Variants in OPN3 observed in about 807,000 individuals in gnomAD.
OPN3 encodes the protein opsin-3.
In OPN3, 29 loss-of-function variants were observed where a neutral mutation model predicts 33.8. That is an observed-to-expected ratio of 0.86 (90% confidence interval 0.64 to 1.17). The LOEUF (loss-of-function observed/expected upper bound fraction) is 1.17, where lower values mean the gene tolerates loss of function less well. Ranked by LOEUF, OPN3 falls within the 50% of genes most tolerant of loss-of-function variation. The probability of loss-of-function intolerance (pLI) is 0.00; values close to 1 mark genes in which losing one functional copy is unlikely to be tolerated. For missense variants in OPN3, 437 were observed against 514.1 expected (o/e 0.85, Z 1.45); for synonymous variants, 216 against 216.1 (o/e 1.00, Z 0.00).
intron 2 of OPN3, among the ~76,000 whole-genome samples, chr1:241,598,856 T>C: frequency 6.6e-6 from 1 of 152,334 alleles, no homozygotes; most frequent in South Asian, 2.1e-4. Flanking sequence ...TGAATTATAC[T>C]ACAAAAATAC....
rs1663382832 is a variant in OPN3 at position 241,593,256 on chromosome 1, T to G, written c.*1172A>C. The G allele has an allele frequency of 3.2e-6, 1 of 310,626 alleles. No individual in the cohort carries two copies. 19.2% of individuals were successfully genotyped at this position (310,626 alleles called of 1,614,324 possible). On this transcript the variant is annotated 3_prime_UTR_variant, in exon 4 of 4. Transcript: ENST00000366554. ...TTCAATTTCAGACCCTCAGAAGCAA[T>G]TTACTAATTTATTCTTCGACTACAT...
In OPN3 at chr1:241,636,175, G is replaced by A. The variant is rs1008669211; in HGVS notation, c.373+3707C>T. ...CCATTGGAGTGTGACATCTTATTTG[G>A]ACATAAACCTCTACTAAAGCATGTC... On this transcript the variant is annotated intron_variant, in intron 1 of 3. Transcript: ENST00000366554. 4 of 403,916 alleles carry A rather than the reference G, an allele frequency of 9.9e-6. No homozygotes were observed. In the Middle Eastern group the frequency reaches 1.9e-3, roughly 191 times the overall value. 25.0% of individuals were successfully genotyped at this position (403,916 alleles called of 1,614,324 possible).
intron 1 of OPN3, among the ~76,000 whole-genome samples, chr1:241,626,572 T>C (rs1374220907): frequency 6.6e-6 from 1 of 152,206 alleles, no homozygotes; most frequent in East Asian, 1.9e-4. Context: ...TTAACTGTAT[T>C]ATTAATTGCC....
chr1:241,639,656 C>T (rs566648093), intron 1 of OPN3, among the ~76,000 whole-genome samples: 2 of 150,370 alleles, frequency 1.3e-5, no homozygotes, highest in South Asian at 4.2e-4. Flanking sequence ...GAGTCCTGGA[C>T]AGCGTGGGGC....
chr1:241,634,902 G>A (rs761676270), intron 1 of OPN3: 44 of 1,611,046 alleles, frequency 2.7e-5, no homozygotes, highest in Non-Finnish European at 3.4e-5. Context: ...ACCATGGTGA[G>A]TTCCTTGCTA....
In OPN3 at chr1:241,597,732, AT is replaced by A; in HGVS notation, c.945+13del. On this transcript the variant is annotated intron_variant, in intron 3 of 3. Coordinates refer to ENST00000366554, the MANE Select transcript of OPN3 (RefSeq NM_014322.3). ...TGCCCAGGGTGAAAACAATCAGTTA[AT>A]TGCAAAGCTTACCTTTCTGATCATG... 1 of 1,608,686 alleles carries A rather than the reference AT, an allele frequency of 6.2e-7. No homozygotes were observed. Among genetic ancestry groups the A allele is most frequent in the Non-Finnish European group, 8.5e-7 (1 of 1,176,358 alleles).
At chr1:241,611,113 G>A (rs1305964446) in intron 1 of OPN3, among the ~76,000 whole-genome samples, 1 of 152,120 alleles carries the variant, frequency 6.6e-6, no homozygotes, top group Non-Finnish European at 1.5e-5. Context: ...CAACTCTGGA[G>A]CTTAAATATT....
chr1:241,637,084 T>C (rs1664925993), intron 1 of OPN3, among the ~76,000 whole-genome samples: 1 of 152,216 alleles, frequency 6.6e-6, no homozygotes. Flanking sequence ...CTGAAGAGCA[T>C]ACTCACCTGA....
At chr1:241,596,691 T>C (rs1237198410) in intron 3 of OPN3, among the ~76,000 whole-genome samples, 1 of 152,210 alleles carries the variant, frequency 6.6e-6, no homozygotes, top group Non-Finnish European at 1.5e-5. Context: ...ATGGAGTAAT[T>C]AAGCATTATC....
intron 1 of OPN3, among the ~76,000 whole-genome samples, chr1:241,614,690 T>C (rs531191170): frequency 7.1e-6 from 1 of 141,596 alleles, no homozygotes; most frequent in African/African-American, 2.6e-5. Flanking sequence ...TTTCTGCCTA[T>C]AGTCCCATTT....
intron 1 of OPN3, among the ~76,000 whole-genome samples, chr1:241,606,590 A>T (rs1011372853): frequency 9.0e-5 from 13 of 144,982 alleles, no homozygotes; most frequent in Admixed American, 2.7e-4. Context: ...AATAAATAAA[A>T]TAAATAAAAT....
At chr1:241,635,450 C>A (rs911344543) in intron 1 of OPN3, 1 of 1,613,858 alleles carries the variant, frequency 6.2e-7, no homozygotes, top group Non-Finnish European at 8.5e-7. Context: ...CATATCCTGA[C>A]TGGCGTAGCA....
chr1:241,604,159 G>A, intron 2 of OPN3, 101 bp downstream of exon 2: 3 of 1,053,108 alleles, frequency 2.8e-6, no homozygotes, highest in Non-Finnish European at 4.3e-6. Context: ...TCTACCTCTG[G>A]GCAACTACTG....
rs769272147 is a variant in OPN3, at chr1:241,636,282, T to G, written c.373+3600A>C. ...CAGCCCTCCCAAGAATCAGGCAACA[T>G]AGTAATAGAGAATGAACATAATGTT... On this transcript the variant is annotated intron_variant, in intron 1 of 3. Coordinates refer to ENST00000366554, the MANE Select transcript of OPN3 (RefSeq NM_014322.3). Among the ~76,000 whole-genome samples the G allele has an allele frequency of 1.7e-3, 258 of 152,170 alleles. 1 individual carries two copies. The highest frequency in any genetic ancestry group is 2.0e-3 in the Non-Finnish European group (136 of 68,008).
At position 241,604,538 on chromosome 1, in the gene OPN3, G is replaced by A. The variant is rs762739639; in HGVS notation, c.415C>T (p.Arg139Cys). The A allele has an allele frequency of 1.2e-5, 19 of 1,614,046 alleles. No individual in the cohort carries two copies. Among genetic ancestry groups the A allele is most frequent in the East Asian group, 4.5e-5 (2 of 44,854 alleles). The change falls in exon 2 of 4, where the codon CGT becomes TGT. Residue 139 changes from arginine to cysteine, a missense_variant. By Grantham distance (180) the Arg-to-Cys change is radical. Coordinates refer to ENST00000366554, the MANE Select transcript of OPN3 (RefSeq NM_014322.3). ...CTGGCATGGACCACGCGAATGTAACGTTCATAGGCCAGCACGGTTAGGGTG... is the reference window on the plus strand; with the variant it reads ...CTGGCATGGACCACGCGAATGTAACATTCATAGGCCAGCACGGTTAGGGTG... ...IATLTVLAYE[R>C]YIRVVHARVI...
At chr1:241,608,783 C>T (rs1207766435) in intron 1 of OPN3, among the ~76,000 whole-genome samples, 1 of 152,168 alleles carries the variant, frequency 6.6e-6, no homozygotes, top group African/African-American at 2.4e-5. Flanking sequence ...TGTTATGTAC[C>T]ATGACATGTT....
chr1:241,634,451 CTG>C, intron 1 of OPN3: 1 of 1,613,670 alleles, frequency 6.2e-7, no homozygotes. Context: ...AGAAAGGTAA[CTG>C]TCTTCCACAA....
chr1:241,634,343 G>A, intron 1 of OPN3: 1 of 1,613,996 alleles, frequency 6.2e-7, no homozygotes. Flanking sequence ...TATCAGAATG[G>A]AAGTCTGCTG....
At chr1:241,611,770 TTACAA>T (rs1296481747) in intron 1 of OPN3, among the ~76,000 whole-genome samples, 3 of 152,222 alleles carry the variant, frequency 2.0e-5, no homozygotes. Flanking sequence ...TTCACTTCCA[TTACAA>T]TACAATTCTA....
Sources: allele counts gnomAD v4.1 joint callset (sites outside exome capture counted in the v4.1 genomes callset), GRCh38; gene constraint gnomAD v4.1.1; transcripts MANE v1.5; gene names NCBI Gene and HGNC (gene_info 2026-07-23, HGNC 2026-07-21).